Variants in EXOC4 observed in about 807,000 individuals in gnomAD.
The protein encoded by EXOC4 is SEC8-like 1.
A neutral mutation model predicts 107.2 loss-of-function variants in EXOC4; 71 were observed. The ratio of observed to expected loss-of-function variants is 0.66; its 90% confidence interval spans 0.55 to 0.81. The LOEUF is 0.81. Among genes scored for constraint, EXOC4 ranks in the 30% least tolerant of loss-of-function variants. EXOC4 has a pLI of 0.00. For synonymous variants in EXOC4, 456 were observed against 441.2 expected, an observed-to-expected ratio of 1.03 and a Z score of -0.42; for missense variants, 1,108 against 1,189.6, an observed-to-expected ratio of 0.93 and a Z score of 1.01.
At chr7:133,485,489 C>T (rs1584953006) in intron 9 of EXOC4, among the ~76,000 whole-genome samples, 1 of 152,104 alleles carries the variant, frequency 6.6e-6, no homozygotes, top group African/African-American at 2.4e-5. Context: ...CAGCTGACCT[C>T]CATGTCTGTG....
At chr7:133,725,656 G>A (rs930495170) in intron 10 of EXOC4, among the ~76,000 whole-genome samples, 5 of 152,156 alleles carry the variant, frequency 3.3e-5, no homozygotes, top group East Asian at 3.9e-4. Flanking sequence ...GATTACAGGC[G>A]TGAACCACTG....
At position 133,289,103 on chromosome 7, in the gene EXOC4, C is replaced by T. The variant is rs777512800; in HGVS notation, c.458C>T (p.Ala153Val). Residue 153 changes from alanine (A) to valine (V), a missense_variant, in exon 3 of 18, where the codon GCC becomes GTC. Coordinates refer to ENST00000253861, the MANE Select transcript of EXOC4 (RefSeq NM_021807.4). ...ATGGCCAGCAAGCACTATCTCAGTG[C>T]CACTGACATGTTGGTAAGAGAACAG... is the stretch of plus-strand genomic sequence containing the variant. ...QCMASKHYLS[A>V]TDMLVSAVES... The T allele has an allele frequency of 3.5e-5, 56 of 1,613,732 alleles. No homozygotes were observed. The highest frequency in any genetic ancestry group is 5.0e-5 in the Admixed American group (3 of 59,988).
chr7:133,468,430 A>G (rs1798786209), intron 7 of EXOC4, among the ~76,000 whole-genome samples: 1 of 152,170 alleles, frequency 6.6e-6, no homozygotes, highest in Non-Finnish European at 1.5e-5. Flanking sequence ...TTCTGTTATT[A>G]ACATTCTATT....
At position 133,722,415 on chromosome 7, in the gene EXOC4, G is replaced by A. The variant is rs550213782; in HGVS notation, c.1514+92274G>A. 1.1e-3 allele frequency among the ~76,000 whole-genome samples: 165 copies of A among 152,244 alleles called. 1 individual carries two copies. The highest frequency in any genetic ancestry group is 2.1e-3 in the East Asian group (11 of 5,186). ...AAATAGTTAATGTCTTTCTCCTTTA[G>A]AAATCAAGATTCTACAGAATGAGAA... On this transcript the variant is annotated intron_variant, in intron 10 of 17. Coordinates refer to ENST00000253861, the MANE Select transcript of EXOC4 (RefSeq NM_021807.4).
At chr7:133,706,506 G>T (rs1410438207) in intron 10 of EXOC4, among the ~76,000 whole-genome samples, 1 of 152,092 alleles carries the variant, frequency 6.6e-6, no homozygotes, top group African/African-American at 2.4e-5. Context: ...AGCCACAAAT[G>T]TAATTTTATT....
chr7:133,853,749 G>A (rs1230910883), intron 11 of EXOC4, among the ~76,000 whole-genome samples: 1 of 152,050 alleles, frequency 6.6e-6, no homozygotes, highest in Non-Finnish European at 1.5e-5. Flanking sequence ...GCTCATGTTT[G>A]TATTCATCTC....
intron 14 of EXOC4, among the ~76,000 whole-genome samples, chr7:133,983,662 G>A (rs941542160): frequency 9.9e-5 from 15 of 151,742 alleles, no homozygotes; most frequent in African/African-American, 3.6e-4. Context: ...TTACCTCTCT[G>A]CCATGTAATA....
intron 14 of EXOC4, among the ~76,000 whole-genome samples, chr7:133,952,885 C>G (rs1158488810): frequency 6.6e-6 from 1 of 152,218 alleles, no homozygotes; most frequent in Non-Finnish European, 1.5e-5. Flanking sequence ...CTTTATTTCT[C>G]CATTCATCCA....
At chr7:133,614,458 C>T (rs555230479) in intron 9 of EXOC4, among the ~76,000 whole-genome samples, 2 of 152,006 alleles carry the variant, frequency 1.3e-5, no homozygotes, top group South Asian at 2.1e-4. Context: ...CTCAGAACTC[C>T]GTAAGTTCAA....
At chr7:133,359,977 A>G (rs1325269693) in intron 6 of EXOC4, among the ~76,000 whole-genome samples, 1 of 152,228 alleles carries the variant, frequency 6.6e-6, no homozygotes, top group Non-Finnish European at 1.5e-5. Flanking sequence ...ACTTACTATT[A>G]AATGAAAATA....
chr7:133,877,206 A>T (rs1798868566), intron 11 of EXOC4, among the ~76,000 whole-genome samples: 1 of 151,944 alleles, frequency 6.6e-6, no homozygotes, highest in African/African-American at 2.4e-5. Flanking sequence ...ATAGGACCCT[A>T]TTCCTAATAG....
chr7:134,071,311 G>A (rs772365502), downstream of EXOC4, among the ~76,000 whole-genome samples: 22 of 152,110 alleles, frequency 1.4e-4, no homozygotes, highest in East Asian at 3.9e-4. Flanking sequence ...CATACCACTC[G>A]TCTCACAACA....
At chr7:133,384,467 C>T (rs552393867) in intron 7 of EXOC4, among the ~76,000 whole-genome samples, 25 of 152,048 alleles carry the variant, frequency 1.6e-4, no homozygotes, top group Non-Finnish European at 3.1e-4. Context: ...ATGCTGCTAC[C>T]GCTCCTTTAA....
intron 17 of EXOC4, chr7:134,010,097 A>G (rs1002460807): frequency 6.6e-6 from 1 of 152,216 alleles, no homozygotes; most frequent in Non-Finnish European, 1.5e-5. Flanking sequence ...TAGCATAAAG[A>G]TACAGCACTG....
At chr7:133,979,069 A>G (rs866558312) in intron 14 of EXOC4, among the ~76,000 whole-genome samples, 1 of 152,230 alleles carries the variant, frequency 6.6e-6, no homozygotes, top group South Asian at 2.1e-4. Context: ...GGTAGTAAAT[A>G]TAAAAAGCAT....
chr7:133,690,416 GC>G (rs1026229135), intron 10 of EXOC4, among the ~76,000 whole-genome samples: 2 of 152,130 alleles, frequency 1.3e-5, no homozygotes, highest in African/African-American at 4.8e-5. Context: ...CAGGCCGCAT[GC>G]CACCATGCCA....
intron 9 of EXOC4, among the ~76,000 whole-genome samples, chr7:133,615,335 C>CTTT (rs957189643): frequency 2.0e-5 from 3 of 152,000 alleles, no homozygotes; most frequent in African/African-American, 7.3e-5. Flanking sequence ...TAACGATTGA[C>CTTT]TTTTAGTGAA....
chr7:133,551,972 TTGAG>T (rs1679362105), intron 9 of EXOC4, among the ~76,000 whole-genome samples: 1 of 152,144 alleles, frequency 6.6e-6, no homozygotes, highest in Admixed American at 6.6e-5. Flanking sequence ...TTTTATTTTA[TTGAG>T]TCTTCGTGAG....
intron 14 of EXOC4, among the ~76,000 whole-genome samples, chr7:133,980,697 A>T (rs771377652): frequency 2.2e-4 from 33 of 152,336 alleles, no homozygotes; most frequent in Middle Eastern, 6.8e-3. Flanking sequence ...ACTGATAGAG[A>T]TGATTGCTTC....
Sources: allele counts gnomAD v4.1 joint callset (sites outside exome capture counted in the v4.1 genomes callset), GRCh38; gene constraint gnomAD v4.1.1; transcripts MANE v1.5; gene names NCBI Gene and HGNC (gene_info 2026-07-23, HGNC 2026-07-21).